Variants in FLVCR1 observed in about 807,000 individuals in gnomAD.
FLVCR1 encodes choline/ethanolamine transporter FLVCR1.
In FLVCR1, 34 loss-of-function variants were observed where a neutral mutation model predicts 53.6. The observed-to-expected ratio is 0.63, with a 90% CI of 0.48 to 0.84. FLVCR1 has a LOEUF of 0.84. Ranked by LOEUF, FLVCR1 falls within the 40% of genes least tolerant of loss-of-function variation. FLVCR1 has a pLI of 0.00. For synonymous variants in FLVCR1, 300 were observed against 286.3 expected (o/e 1.05, Z -0.48); for missense variants, 677 against 696.7 (o/e 0.97, Z 0.32).
intron 2 of FLVCR1, among the ~76,000 whole-genome samples, chr1:212,867,986 G>T (rs540497602): frequency 6.6e-6 from 1 of 152,110 alleles, no homozygotes; most frequent in South Asian, 2.1e-4. Context: ...TGTATTTTTA[G>T]TAGAGATGGG....
chr1:212,866,345 T>C (rs1664428548), intron 2 of FLVCR1, among the ~76,000 whole-genome samples: 1 of 152,142 alleles, frequency 6.6e-6, no homozygotes, highest in Non-Finnish European at 1.5e-5. Flanking sequence ...GGTCTCGAAC[T>C]CCTGACCTCA....
In FLVCR1 at chr1:212,888,936, T is replaced by C. The variant is rs41300977; in HGVS notation, c.1414-210T>C. ...GACTCCTGGGCTCAAGCAATTCGCC[T>C]ACCTCAACTCCCAAAGTGCTAGGAT... On this transcript the variant is annotated intron_variant, in intron 7 of 9. Coordinates refer to ENST00000366971, the MANE Select transcript of FLVCR1 (RefSeq NM_014053.4). Among the ~76,000 whole-genome samples, 328 of 152,216 alleles carry C rather than the reference T, an allele frequency of 2.2e-3. 2 individuals carry two copies. Among genetic ancestry groups the C allele is most frequent in the African/African-American group, 7.4e-3 (306 of 41,546 alleles).
intron 4 of FLVCR1, among the ~76,000 whole-genome samples, chr1:212,884,442 G>A (rs1227288668): frequency 6.6e-6 from 1 of 152,058 alleles, no homozygotes; most frequent in East Asian, 1.9e-4. Flanking sequence ...AATATGGAAA[G>A]CAGAAGTTAC....
At chr1:212,882,499 G>T (rs1664956429) in intron 3 of FLVCR1, among the ~76,000 whole-genome samples, 1 of 152,072 alleles carries the variant, frequency 6.6e-6, no homozygotes, top group Admixed American at 6.5e-5. Context: ...GCTTGACTTT[G>T]GTAAAGAATA....
At chr1:212,893,231 A>AT in intron 8 of FLVCR1, among the ~76,000 whole-genome samples, 1 of 151,606 alleles carries the variant, frequency 6.6e-6, no homozygotes, top group East Asian at 1.9e-4. Context: ...AATTTTTTGT[A>AT]TTTTTTGTAG....
At chr1:212,867,560 A>C (rs1664473301) in intron 2 of FLVCR1, among the ~76,000 whole-genome samples, 1 of 152,214 alleles carries the variant, frequency 6.6e-6, no homozygotes, top group South Asian at 2.1e-4. Flanking sequence ...ATAACATTTT[A>C]ATTTTTACTG....
In FLVCR1 at chr1:212,858,720, A is replaced by AC; in HGVS notation, c.272dup (p.Ala93GlyfsTer40). ...GCTGCCTGCGGGCGCGGGAGCTGAG[A>AC]CCCCGGGGGCCGAGAGCAGCCCGCT... On this transcript the variant is annotated frameshift_variant, in exon 1 of 10. Coordinates refer to ENST00000366971, the MANE Select transcript of FLVCR1 (RefSeq NM_014053.4). LOFTEE classifies it high-confidence loss of function. 1 of 1,605,694 alleles carries AC rather than the reference A, an allele frequency of 6.2e-7. No homozygotes were observed. Among genetic ancestry groups the AC allele is most frequent in the East Asian group, 2.2e-5 (1 of 44,656 alleles).
chr1:212,874,946 C>T (rs942860783), intron 3 of FLVCR1, among the ~76,000 whole-genome samples: 14 of 150,850 alleles, frequency 9.3e-5, no homozygotes, highest in African/African-American at 3.4e-4. Flanking sequence ...CACACAGACA[C>T]ATCTCCACAT....
intron 1 of FLVCR1, among the ~76,000 whole-genome samples, chr1:212,862,250 T>G (rs1040732485): frequency 4.6e-5 from 7 of 152,240 alleles, no homozygotes; most frequent in Non-Finnish European, 7.3e-5. Flanking sequence ...GTTGTGCAAC[T>G]GTTACTTCTG....
chr1:212,867,835 G>T (rs1336099371), intron 2 of FLVCR1, among the ~76,000 whole-genome samples: 4 of 143,334 alleles, frequency 2.8e-5, no homozygotes, highest in Non-Finnish European at 6.0e-5. Context: ...ATGGAGTCTC[G>T]CTCTTTCACC....
intron 2 of FLVCR1, among the ~76,000 whole-genome samples, chr1:212,870,723 A>G (rs1664570473): frequency 6.6e-6 from 1 of 152,084 alleles, no homozygotes; most frequent in South Asian, 2.1e-4. Context: ...CCTAAACAAT[A>G]TTATTTACTG....
At chr1:212,872,375 A>G (rs1664625893) in intron 2 of FLVCR1, among the ~76,000 whole-genome samples, 1 of 152,248 alleles carries the variant, frequency 6.6e-6, no homozygotes, top group South Asian at 2.1e-4. Context: ...AGGTAAAAAT[A>G]GAATAATCAG....
chr1:212,884,410 A>G (rs529516050), intron 4 of FLVCR1, among the ~76,000 whole-genome samples: 2 of 152,324 alleles, frequency 1.3e-5, no homozygotes, highest in East Asian at 1.9e-4. Context: ...AAAACGAAAC[A>G]AAACAAAATA....
At chr1:212,879,792 T>A (rs537087162) in intron 3 of FLVCR1, among the ~76,000 whole-genome samples, 26 of 151,992 alleles carry the variant, frequency 1.7e-4, no homozygotes, top group Non-Finnish European at 3.5e-4. Flanking sequence ...CCTGACCTCA[T>A]GTGATCCATC....
intron 1 of FLVCR1, among the ~76,000 whole-genome samples, chr1:212,862,599 T>C (rs978277632): frequency 1.3e-5 from 2 of 152,256 alleles, no homozygotes. Context: ...TGGGTTATTT[T>C]CACCTTTTGG....
chr1:212,892,504 C>T (rs1348846920), intron 8 of FLVCR1, among the ~76,000 whole-genome samples: 1 of 152,212 alleles, frequency 6.6e-6, no homozygotes, highest in African/African-American at 2.4e-5. Flanking sequence ...GCATGGTTTG[C>T]TGAATATTTT....
rs779328198 is a variant in FLVCR1, at chr1:212,858,763, C to T, written c.311C>T (p.Ser104Phe). The T allele has an allele frequency of 3.1e-6, 5 of 1,613,736 alleles. No homozygotes were observed. The highest frequency in any genetic ancestry group is 1.3e-5 in the African/African-American group (1 of 74,938). The change falls in exon 1 of 10, where the codon TCC (serine) becomes TTC (phenylalanine). Residue 104 changes from serine (S) to phenylalanine (F), a missense_variant. By Grantham distance (155) the Ser-to-Phe change is radical. Coordinates refer to ENST00000366971, the MANE Select transcript of FLVCR1 (RefSeq NM_014053.4). Reference protein sequence around the residue: ...ESSPLPLTALSPRRFVVLLIF... With the variant: ...ESSPLPLTALFPRRFVVLLIF... ...AGCCCGCTGCCCCTTACGGCGCTCT[C>T]CCCGCGGCGCTTCGTGGTGCTCCTG... is the stretch of plus-strand genomic sequence containing the variant.
chr1:212,888,498 G>T lies in FLVCR1; in HGVS notation c.1317G>T (p.Met439Ile). ...GGATTTATTTTCCTAGCTTCTTCAT[G>T]ACTGGTTACCTCCCTTTGGGTTTTG... ...FVTGGVLGFF[M>I]TGYLPLGFEF... The change falls in exon 7 of 10, where the codon ATG becomes ATT. Residue 439 changes from methionine to isoleucine, a missense_variant. Met to Ile is a conservative substitution (Grantham distance 10). Transcript: ENST00000366971. 2 of 1,611,916 alleles carry T rather than the reference G, an allele frequency of 1.2e-6. No individual in the cohort carries two copies. Among genetic ancestry groups the T allele is most frequent in the South Asian group, 2.2e-5 (2 of 90,934 alleles).
At chr1:212,873,486 T>A (rs1281610719) in intron 3 of FLVCR1, among the ~76,000 whole-genome samples, 1 of 152,232 alleles carries the variant, frequency 6.6e-6, no homozygotes, top group African/African-American at 2.4e-5. Flanking sequence ...AGCTGGCATC[T>A]GTTTTGATTA....
Sources: gnomAD v4.1 joint callset for allele counts (sites outside exome capture counted in the v4.1 genomes callset) on GRCh38, gnomAD v4.1.1 for gene constraint, MANE v1.5 for transcripts, NCBI Gene and HGNC (gene_info 2026-07-23, HGNC 2026-07-21) for gene names.